KALRN: variants seen among roughly 807,000 people sequenced by gnomAD.
The protein encoded by KALRN is kalirin RhoGEF kinase.
KALRN carries 70 observed loss-of-function variants against 353.7 expected under a neutral mutation model. The observed-to-expected ratio is 0.20, with a 90% CI of 0.16 to 0.24. The LOEUF (loss-of-function observed/expected upper bound fraction) is 0.24. Among genes scored for constraint, KALRN ranks in the 10% least tolerant of loss-of-function variants. The probability of loss-of-function intolerance (pLI) is 1.00; values close to 1 mark genes in which losing one functional copy is unlikely to be tolerated. For synonymous variants in KALRN, 1,391 were observed against 1,434.8 expected (o/e 0.97, Z 0.69); for missense variants, 2,791 against 3,756.7 (o/e 0.74, Z 6.72).
chr3:124,068,131 G>C (rs926498358), intron 1 of KALRN, among the ~76,000 whole-genome samples: 4 of 152,198 alleles, frequency 2.6e-5, no homozygotes, highest in African/African-American at 9.7e-5. Flanking sequence ...CATCATTGAG[G>C]GGGCAGGATG....
intron 51 of KALRN, among the ~76,000 whole-genome samples, chr3:124,690,267 A>T (rs946667122): frequency 6.6e-6 from 1 of 152,246 alleles, no homozygotes; most frequent in African/African-American, 2.4e-5. Flanking sequence ...TGGGCCCTGC[A>T]GTCCATAGGG....
chr3:124,435,072 T>C (rs1485912672), intron 17 of KALRN, among the ~76,000 whole-genome samples: 1 of 152,202 alleles, frequency 6.6e-6, no homozygotes, highest in East Asian at 1.9e-4. Flanking sequence ...TACAAGTGCA[T>C]TTCAAGTCTT....
intron 1 of KALRN, among the ~76,000 whole-genome samples, chr3:124,048,271 T>A (rs949902303): frequency 2.0e-5 from 3 of 152,182 alleles, no homozygotes; most frequent in African/African-American, 4.8e-5. Flanking sequence ...AGATATATGG[T>A]CAAAGTGAAT....
intron 33 of KALRN, among the ~76,000 whole-genome samples, chr3:124,504,509 C>T (rs2064992448): frequency 6.6e-6 from 1 of 152,226 alleles, no homozygotes; most frequent in African/African-American, 2.4e-5. Flanking sequence ...GCATCACCTC[C>T]CACTCTGCCC....
chr3:124,180,642 A>AT (rs778395134), intron 1 of KALRN, among the ~76,000 whole-genome samples: 17 of 152,254 alleles, frequency 1.1e-4, no homozygotes, highest in Non-Finnish European at 2.2e-4. Flanking sequence ...CGTTGGACTC[A>AT]TGAGGATTCA....
At chr3:124,404,235 C>T (rs2091244961) in intron 13 of KALRN, among the ~76,000 whole-genome samples, 1 of 151,254 alleles carries the variant, frequency 6.6e-6, no homozygotes, top group Non-Finnish European at 1.5e-5. Context: ...TTATCATAGG[C>T]CTCTTTTCCT....
Position 124,406,832 on chromosome 3 carries a change from C to CTTTTT in KALRN, c.2347-6625_2347-6621dup, listed in dbSNP as rs10686645. ...GTGTGGCCTTAAGCAAGTTGCTTTG[C>CTTTTT]TTTTTTTTTTTTTTTTTGAGACAGG... On this transcript the variant is annotated intron_variant, in intron 13 of 59. Coordinates refer to ENST00000682506, the MANE Select transcript of KALRN (RefSeq NM_001388419.1). Among the ~76,000 whole-genome samples the CTTTTT allele has an allele frequency of 4.0e-3, 508 of 126,236 alleles. 25 individuals carry two copies. In the East Asian group the frequency reaches 0.077, roughly 19 times the overall value. The allele number at this position is 126,236 out of a possible 152,430, so 82.8% of individuals were successfully genotyped here.
Position 124,462,081 on chromosome 3 carries a change from C to T in KALRN, c.3921+125C>T, listed in dbSNP as rs2059912332. On this transcript the variant is annotated intron_variant, in intron 24 of 59. Transcript: ENST00000682506. ...AGAGAGTAATGAATTAAAAAGTCAA[C>T]AAGAGGAAATCTTTCTCCTAAAGTC... The T allele has an allele frequency of 7.1e-6, 5 of 702,194 alleles. No individual in the cohort carries two copies. The Admixed American group carries it at 7.5e-5, about 11-fold the overall frequency. The allele number at this position is 702,194 out of a possible 1,614,324, so 43.5% of individuals were successfully genotyped here.
chr3:124,535,976 C>T (rs1056563243), intron 33 of KALRN, among the ~76,000 whole-genome samples: 4 of 152,166 alleles, frequency 2.6e-5, no homozygotes, highest in Admixed American at 1.3e-4. Flanking sequence ...ATGTGCCATC[C>T]CCCATATTAA....
chr3:124,266,140 CA>C (rs1372418388), intron 4 of KALRN, among the ~76,000 whole-genome samples: 3 of 151,622 alleles, frequency 2.0e-5, no homozygotes, highest in African/African-American at 7.3e-5. Context: ...AACAAACAAA[CA>C]AAAAAACAAA....
intron 6 of KALRN, among the ~76,000 whole-genome samples, chr3:124,307,552 T>C (rs2077824549): frequency 7.6e-6 from 1 of 131,348 alleles, no homozygotes; most frequent in Non-Finnish European, 1.7e-5. Context: ...ATTAAGTTAA[T>C]GTACAGTAGA....
Position 124,453,613 on chromosome 3 carries a change from G to A in KALRN, c.3553-1564G>A, listed in dbSNP as rs554535537. On this transcript the variant is annotated intron_variant, in intron 21 of 59. Transcript: ENST00000682506. ...CAGTTTCCCTGATATCTAGATTGTA[G>A]CATGGTTTAAACCTTGGACCCACTT... 2.4e-4 allele frequency among the ~76,000 whole-genome samples: 37 copies of A among 152,274 alleles called. No homozygotes were observed. The South Asian group carries it at 7.5e-3, about 31-fold the overall frequency.
chr3:124,634,073 C>T, intron 36 of KALRN, 120 bp downstream of exon 36: 1 of 720,356 alleles, frequency 1.4e-6, no homozygotes, highest in Non-Finnish European at 2.3e-6. Context: ...CACATGAATC[C>T]ATGTTGATAC....
At chr3:124,335,857 T>C (rs892200689) in intron 9 of KALRN, among the ~76,000 whole-genome samples, 12 of 152,190 alleles carry the variant, frequency 7.9e-5, no homozygotes, top group African/African-American at 2.9e-4. Context: ...ATCTACTGTA[T>C]TATATAATAC....
intron 1 of KALRN, among the ~76,000 whole-genome samples, chr3:124,101,693 C>G (rs2061875432): frequency 6.6e-6 from 1 of 152,166 alleles, no homozygotes; most frequent in African/African-American, 2.4e-5. Flanking sequence ...TGCCTGCAGC[C>G]TTTTTCTGGC....
At chr3:124,616,849 C>T (rs911230413) in intron 34 of KALRN, among the ~76,000 whole-genome samples, 8 of 151,854 alleles carry the variant, frequency 5.3e-5, no homozygotes, top group African/African-American at 1.7e-4. Context: ...CCTGTAGTCC[C>T]AGCTACTTGA....
At chr3:124,166,342 T>C (rs1481253121) in intron 1 of KALRN, among the ~76,000 whole-genome samples, 11 of 152,174 alleles carry the variant, frequency 7.2e-5, no homozygotes, top group Admixed American at 7.2e-4. Context: ...TATGAGATAG[T>C]GCAGTGCCTA....
intron 1 of KALRN, among the ~76,000 whole-genome samples, chr3:124,222,033 G>T (rs968373002): frequency 5.9e-5 from 9 of 152,172 alleles, no homozygotes; most frequent in Non-Finnish European, 8.8e-5. Context: ...GTGCAGGTGG[G>T]ATAAAGAGGC....
intron 33 of KALRN, among the ~76,000 whole-genome samples, chr3:124,546,290 CAA>C (rs5852410): frequency 0.3 from 33,885 of 114,336 alleles, 4,335 homozygotes; most frequent in Non-Finnish European, 0.32. Context: ...CCCCATCTCT[CAA>C]AAAAAAAAAA....
Sources: gnomAD v4.1 joint callset for allele counts (sites outside exome capture counted in the v4.1 genomes callset) on GRCh38, gnomAD v4.1.1 for gene constraint, MANE v1.5 for transcripts, NCBI Gene and HGNC (gene_info 2026-07-23, HGNC 2026-07-21) for gene names.